B4GALT1: variants seen among roughly 807,000 people sequenced by gnomAD.
B4GALT1 encodes N-acetyllactosamine synthase.
B4GALT1 carries 16 observed loss-of-function variants against 34.9 expected under a neutral mutation model. The ratio of observed to expected loss-of-function variants is 0.46; its 90% CI spans 0.31 to 0.70. The LOEUF is 0.70. Ranked by LOEUF, B4GALT1 falls within the 30% of genes least tolerant of loss-of-function variation. B4GALT1 has a pLI of 0.05. For synonymous variants in B4GALT1, 221 were observed against 218.1 expected, an observed-to-expected ratio of 1.01 and a Z score of -0.12; for missense variants, 445 against 530.5, an observed-to-expected ratio of 0.84 and a Z score of 1.58.
Position 33,135,371 on chromosome 9 carries a change from T to C in B4GALT1, c.466A>G (p.Lys156Glu), listed in dbSNP as rs761971189. The change falls in exon 2 of 6, where the codon AAG becomes GAG. Residue 156 changes from lysine (K) to glutamate (E), a missense_variant. Physicochemically the swap from Lys to Glu is moderately conservative, Grantham distance 56. Around this residue, in one of 3 missense-constraint regions of B4GALT1, gnomAD observed 349 missense variants for 395.5 expected, o/e 0.88. Coordinates refer to ENST00000379731, the MANE Select transcript of B4GALT1 (RefSeq NM_001497.4). ...NMPVDLELVA[K>E]QNPNVKMGGR... is the part of the protein sequence containing the mutation. ...CCCATCTTCACATTTGGGTTCTGCT[T>C]TGCCACGAGCTCCAGGTCCACAGGC... The C allele has an allele frequency of 1.2e-6, 2 of 1,614,182 alleles. No homozygotes were observed. The highest frequency in any genetic ancestry group is 8.5e-7 in the Non-Finnish European group (1 of 1,180,038).
intron 1 of B4GALT1, among the ~76,000 whole-genome samples, chr9:33,142,833 G>A (rs1261977077): frequency 6.6e-6 from 1 of 152,018 alleles, no homozygotes; most frequent in Non-Finnish European, 1.5e-5. Context: ...GGAACAGAGA[G>A]AAAAACAAAG....
chr9:33,113,814 G>A lies in B4GALT1; in HGVS notation c.1024C>T (p.Arg342Cys), dbSNP rs1343478116. 5.0e-6 allele frequency: 8 copies of A among 1,613,992 alleles called. No individual in the cohort carries two copies. The highest frequency in any genetic ancestry group is 5.9e-6 in the Non-Finnish European group (7 of 1,180,022). ...TCATTTTTCTTGTCTCTTGAGTGGC[G>A]GATCATGCGACACCTCCCGACCACA... is the stretch of plus-strand genomic sequence containing the variant. ...NAVVGRCRMI[R>C]HSRDKKNEPN... The change falls in exon 5 of 6, where the codon CGC (arginine) becomes TGC (cysteine). Residue 342 changes from arginine (R) to cysteine (C), a missense_variant. Arg to Cys is a radical substitution (Grantham distance 180). This residue lies in a region of B4GALT1 where 89 missense variants were observed against 107.6 expected (regional missense o/e 0.83). Coordinates refer to ENST00000379731, the MANE Select transcript of B4GALT1 (RefSeq NM_001497.4).
At chr9:33,165,762 T>C (rs773828589) in intron 1 of B4GALT1, among the ~76,000 whole-genome samples, 18 of 152,238 alleles carry the variant, frequency 1.2e-4, no homozygotes, top group Non-Finnish European at 2.4e-4. Context: ...TGTGGTTGCC[T>C]TGGGCCTGTG....
chr9:33,161,436 G>A (rs1840674063), intron 1 of B4GALT1, among the ~76,000 whole-genome samples: 1 of 151,514 alleles, frequency 6.6e-6, no homozygotes, highest in African/African-American at 2.4e-5. Flanking sequence ...CCCGGCAATG[G>A]CCCAGATCAA....
chr9:33,181,797 G>T, the B4GALT1 span, among the ~76,000 whole-genome samples: 11 of 152,174 alleles, frequency 7.2e-5, no homozygotes, highest in Non-Finnish European at 1.6e-4. Flanking sequence ...GGCCAGTCTG[G>T]AGTAGCAAGG....
intron 2 of B4GALT1, among the ~76,000 whole-genome samples, chr9:33,126,396 T>C (rs180863191): frequency 9.6e-4 from 146 of 152,312 alleles, no homozygotes; most frequent in Non-Finnish European, 1.5e-3. Flanking sequence ...TAATAATATC[T>C]ACTCAGCCAT....
intron 1 of B4GALT1, 52 bp downstream of exon 1, chr9:33,166,706 G>A (rs781460424): frequency 1.1e-5 from 16 of 1,467,476 alleles, no homozygotes; most frequent in African/African-American, 1.4e-5. Context: ...ACCCTGTCGG[G>A]GAAATCCGGG....
intron 2 of B4GALT1, among the ~76,000 whole-genome samples, chr9:33,122,297 C>T (rs1192478566): frequency 6.6e-6 from 1 of 152,040 alleles, no homozygotes; most frequent in Non-Finnish European, 1.5e-5. Flanking sequence ...GTGGGCAGAT[C>T]ACTTGAGTCT....
chr9:33,121,889 T>C (rs1012314439), intron 2 of B4GALT1, among the ~76,000 whole-genome samples: 3 of 152,064 alleles, frequency 2.0e-5, no homozygotes, highest in African/African-American at 7.2e-5. Context: ...AGGGATCACA[T>C]TGTGGGGTAG....
chr9:33,164,230 CG>C (rs1200748977), intron 1 of B4GALT1, among the ~76,000 whole-genome samples: 3 of 152,174 alleles, frequency 2.0e-5, no homozygotes, highest in African/African-American at 7.2e-5. Flanking sequence ...CTAAACCCCA[CG>C]GATGCTTTCT....
chr9:33,104,259 C>G (rs1194356134), exon 3 of B4GALT1: 2 of 153,762 alleles, frequency 1.3e-5, no homozygotes, highest in Admixed American at 6.5e-5. Context: ...CAAGACATAA[C>G]CTATCTAGCT....
chr9:33,126,753 G>A (rs1840115275), intron 2 of B4GALT1, among the ~76,000 whole-genome samples: 1 of 132,922 alleles, frequency 7.5e-6, no homozygotes, highest in Non-Finnish European at 1.7e-5. Flanking sequence ...TCAAGGGTTA[G>A]GGACCAGGCT....
chr9:33,166,503 T>A (rs1283723840), intron 1 of B4GALT1, among the ~76,000 whole-genome samples: 1 of 152,220 alleles, frequency 6.6e-6, no homozygotes. Flanking sequence ...CTTCTCTGGT[T>A]CTGGGGCTAG....
intron 2 of B4GALT1, among the ~76,000 whole-genome samples, chr9:33,133,232 G>A (rs563002361): frequency 1.3e-5 from 2 of 152,174 alleles, no homozygotes; most frequent in Admixed American, 6.5e-5. Context: ...TACCTATATG[G>A]CACCCAGACC....
chr9:33,178,141 G>A, the B4GALT1 span, among the ~76,000 whole-genome samples: 17 of 151,838 alleles, frequency 1.1e-4, no homozygotes, highest in African/African-American at 3.4e-4. Flanking sequence ...ACAGGTGTGC[G>A]CCACCATTCC....
At chr9:33,105,668 C>T (rs1271469280), downstream of B4GALT1, among the ~76,000 whole-genome samples, 1 of 152,154 alleles carries the variant, frequency 6.6e-6, no homozygotes, top group African/African-American at 2.4e-5. Flanking sequence ...ATTCTGCCTT[C>T]TGTCTCTGTG....
At chr9:33,155,901 T>C (rs1238261804) in intron 1 of B4GALT1, among the ~76,000 whole-genome samples, 1 of 152,186 alleles carries the variant, frequency 6.6e-6, no homozygotes, top group East Asian at 1.9e-4. Context: ...TAAGAAATTA[T>C]CTCCCTCATT....
upstream of B4GALT1, chr9:33,167,441 G>T (rs1840785637): frequency 6.3e-6 from 2 of 319,116 alleles, no homozygotes; most frequent in South Asian, 1.4e-4. Context: ...GCGGGAAGGC[G>T]GGGCAGCCCG....
intron 3 of B4GALT1, among the ~76,000 whole-genome samples, chr9:33,118,479 T>C (rs1168382277): frequency 2.0e-5 from 3 of 151,522 alleles, no homozygotes; most frequent in Non-Finnish European, 4.4e-5. Context: ...CTGGGTAACA[T>C]AGTGAGACAT....
Sources: allele counts gnomAD v4.1 joint callset (sites outside exome capture counted in the v4.1 genomes callset), GRCh38; gene constraint gnomAD v4.1.1; regional missense constraint gnomAD v4.1.1; transcripts MANE v1.5; gene names NCBI Gene and HGNC (gene_info 2026-07-23, HGNC 2026-07-21).